Variants in SCLT1 observed in about 807,000 individuals in gnomAD.
SCLT1 encodes the protein sodium channel and clathrin linker 1.
Under a neutral mutation model 112.8 loss-of-function variants are expected in SCLT1, and 78 were observed. The ratio of observed to expected loss-of-function variants is 0.69; its 90% CI spans 0.58 to 0.83. The LOEUF (loss-of-function observed/expected upper bound fraction) is 0.83. SCLT1 is among the 40% of genes least tolerant of loss of function. The pLI, the probability that SCLT1 is intolerant of heterozygous loss-of-function variation, is 0.00. For synonymous variants in SCLT1, 257 were observed against 254.7 expected, an observed-to-expected ratio of 1.01 and a Z score of -0.09; for missense variants, 747 against 770.4, an observed-to-expected ratio of 0.97 and a Z score of 0.36.
At chr4:128,982,025 G>A (rs989926166) in intron 9 of SCLT1, among the ~76,000 whole-genome samples, 1 of 152,122 alleles carries the variant, frequency 6.6e-6, no homozygotes, top group African/African-American at 2.4e-5. Flanking sequence ...ATGAGAAAGT[G>A]ATGAAGTGAA....
chr4:129,006,930 G>A (rs1422610187), intron 5 of SCLT1, among the ~76,000 whole-genome samples: 3 of 152,096 alleles, frequency 2.0e-5, no homozygotes, highest in Non-Finnish European at 4.4e-5. Context: ...TAGTGGCAAC[G>A]CCGACGTTAT....
At chr4:128,891,457 T>C (rs1370107611) in intron 18 of SCLT1, among the ~76,000 whole-genome samples, 1 of 152,076 alleles carries the variant, frequency 6.6e-6, no homozygotes, top group Admixed American at 6.5e-5. Context: ...AATGGTAAAT[T>C]TTATGTATAT....
At chr4:128,899,899 A>G (rs1734124346) in intron 18 of SCLT1, among the ~76,000 whole-genome samples, 1 of 152,210 alleles carries the variant, frequency 6.6e-6, no homozygotes, top group African/African-American at 2.4e-5. Context: ...ACAGAGAGCC[A>G]AATCATGAGT....
chr4:128,974,516 A>G (rs1264816826), intron 9 of SCLT1, among the ~76,000 whole-genome samples: 1 of 152,090 alleles, frequency 6.6e-6, no homozygotes, highest in Non-Finnish European at 1.5e-5. Context: ...GCATGTCTGT[A>G]TATAAATAAA....
intron 18 of SCLT1, among the ~76,000 whole-genome samples, chr4:128,916,923 A>T (rs1284687137): frequency 1.3e-5 from 2 of 152,132 alleles, no homozygotes; most frequent in East Asian, 3.9e-4. Context: ...GTACAACTCC[A>T]ACCACTTCCC....
intron 10 of SCLT1, among the ~76,000 whole-genome samples, chr4:128,968,863 T>C (rs1025884401): frequency 1.3e-5 from 2 of 152,360 alleles, no homozygotes; most frequent in Middle Eastern, 3.4e-3. Context: ...CCTACATAAT[T>C]TGAAGATCAG....
intron 9 of SCLT1, among the ~76,000 whole-genome samples, chr4:128,987,763 G>A (rs911175122): frequency 6.6e-6 from 1 of 152,102 alleles, no homozygotes; most frequent in African/African-American, 2.4e-5. Flanking sequence ...AGAGTAGAAA[G>A]TTTATTCAAA....
chr4:128,947,808 G>C (rs1738307557), intron 15 of SCLT1, among the ~76,000 whole-genome samples: 1 of 151,988 alleles, frequency 6.6e-6, no homozygotes, highest in Non-Finnish European at 1.5e-5. Context: ...ATTAAAATCT[G>C]TACTTCTAAA....
chr4:129,031,381 G>A (rs540608477), intron 5 of SCLT1, among the ~76,000 whole-genome samples: 5 of 152,118 alleles, frequency 3.3e-5, no homozygotes, highest in South Asian at 2.1e-4. Context: ...AGCTGAAAGC[G>A]TTCCCTTAGA....
chr4:129,089,053 A>G lies in SCLT1; in HGVS notation c.34+4017T>C, dbSNP rs569296410. On this transcript the variant is annotated intron_variant, in intron 1 of 20. Transcript: ENST00000281142. ...CTACACAGCAAAAGAAACCATCATC[A>G]GAATGAACAGACAACCTACAGAATG... Among the ~76,000 whole-genome samples the G allele has an allele frequency of 9.8e-5, 15 of 152,374 alleles. No homozygotes were observed. In the South Asian group the frequency reaches 2.9e-3, roughly 29 times the overall value.
At chr4:128,982,494 A>G (rs1741745930) in intron 9 of SCLT1, among the ~76,000 whole-genome samples, 1 of 152,126 alleles carries the variant, frequency 6.6e-6, no homozygotes, top group South Asian at 2.1e-4. Context: ...ATAAGTCCTT[A>G]GTGGCTAAGT....
chr4:129,031,532 G>A (rs1446153711), intron 5 of SCLT1, among the ~76,000 whole-genome samples: 1 of 152,130 alleles, frequency 6.6e-6, no homozygotes, highest in Middle Eastern at 3.2e-3. Context: ...GTGTCTGTTT[G>A]ACTGCAACAT....
chr4:128,899,703 G>C (rs373776979), intron 18 of SCLT1, among the ~76,000 whole-genome samples: 3 of 152,068 alleles, frequency 2.0e-5, no homozygotes, highest in African/African-American at 4.8e-5. Context: ...GGAAATAAAG[G>C]GTATTCAATT....
intron 11 of SCLT1, among the ~76,000 whole-genome samples, chr4:128,963,732 A>C (rs1044737805): frequency 6.6e-6 from 1 of 152,108 alleles, no homozygotes; most frequent in African/African-American, 2.4e-5. Flanking sequence ...TTTCTTCTCA[A>C]ATCTAATTAT....
intron 5 of SCLT1, among the ~76,000 whole-genome samples, chr4:129,016,135 A>G (rs981867982): frequency 6.6e-6 from 1 of 151,510 alleles, no homozygotes; most frequent in African/African-American, 2.4e-5. Context: ...ATCTTATTTC[A>G]CTGACCATAT....
intron 2 of SCLT1, among the ~76,000 whole-genome samples, chr4:129,064,863 A>G (rs1317871092): frequency 1.3e-5 from 2 of 152,146 alleles, no homozygotes; most frequent in Non-Finnish European, 2.9e-5. Flanking sequence ...AGTAATTTGA[A>G]ACCCTTAAAA....
At chr4:128,989,777 T>G (rs944199638) in intron 9 of SCLT1, among the ~76,000 whole-genome samples, 3 of 151,332 alleles carry the variant, frequency 2.0e-5, no homozygotes, top group Non-Finnish European at 4.4e-5. Flanking sequence ...ATATTACAAC[T>G]GAAACCACAA....
intron 18 of SCLT1, among the ~76,000 whole-genome samples, chr4:128,935,241 G>A (rs769592886): frequency 6.6e-6 from 1 of 151,672 alleles, no homozygotes; most frequent in Non-Finnish European, 1.5e-5. Context: ...TTTACTTGTG[G>A]TGGAGGGTTG....
chr4:129,046,995 T>G (rs116703146), intron 2 of SCLT1, among the ~76,000 whole-genome samples: 6 of 152,118 alleles, frequency 3.9e-5, no homozygotes, highest in African/African-American at 1.4e-4. Context: ...GTAATTGTTT[T>G]AGTTATTAAT....
Sources: allele counts gnomAD v4.1 joint callset (sites outside exome capture counted in the v4.1 genomes callset), GRCh38; gene constraint gnomAD v4.1.1; transcripts MANE v1.5; gene names NCBI Gene and HGNC (gene_info 2026-07-23, HGNC 2026-07-21).